GPR39: variants seen among roughly 807,000 people sequenced by gnomAD.
GPR39 encodes zinc sensing receptor.
A neutral mutation model predicts 18.4 loss-of-function variants in GPR39; 23 were observed. The ratio of observed to expected loss-of-function variants is 1.25; its 90% CI spans 0.90 to 1.77. The LOEUF (loss-of-function observed/expected upper bound fraction) is 1.77, where lower values mean the gene tolerates loss of function less well. Ranked by LOEUF, GPR39 falls within the 40% of genes most tolerant of loss-of-function variation. The pLI, the probability that GPR39 is intolerant of heterozygous loss-of-function variation, is 0.00. For synonymous variants in GPR39, 280 were observed against 257.9 expected, an observed-to-expected ratio of 1.09 and a Z score of -0.82; for missense variants, 647 against 602.4, an observed-to-expected ratio of 1.07 and a Z score of -0.78.
At chr2:132,641,726 T>C (rs543434657) in intron 1 of GPR39, among the ~76,000 whole-genome samples, 2 of 152,242 alleles carry the variant, frequency 1.3e-5, no homozygotes, top group Non-Finnish European at 2.9e-5. Flanking sequence ...CTTTTTCTCT[T>C]TGAATGTGGC....
rs181548223 is a variant in GPR39 at position 132,492,841 on chromosome 2, T to C, written c.856+74943T>C. On this transcript the variant is annotated intron_variant, in intron 1 of 1. Transcript: ENST00000329321. ...CCATATATATACCATATACACACCA[T>C]ATATACACCATATATATACCATATA... is the stretch of plus-strand genomic sequence containing the variant. Among the ~76,000 whole-genome samples the C allele has an allele frequency of 6.9e-3, 968 of 140,582 alleles. 16 individuals are homozygous for C. The highest frequency in any genetic ancestry group is 0.024 in the African/African-American group (917 of 37,840). 92.2% of individuals were successfully genotyped at this position (140,582 alleles called of 152,430 possible). A position where few individuals can be genotyped will look rare whatever the true frequency, so the allele number is the denominator to read the frequency against.
chr2:132,560,591 C>A (rs58685339), intron 1 of GPR39, among the ~76,000 whole-genome samples: 11,171 of 152,268 alleles, frequency 0.073, 1,389 homozygotes, highest in African/African-American at 0.25. Flanking sequence ...GAATTTCAGG[C>A]CCAGTCCAGC....
rs113589449 is a variant in GPR39 at position 132,541,747 on chromosome 2, A to G, written c.857-103354A>G. ...AGAGGCAGTTGGACAAGCCTTATGCATCCTGGGCTTTGGTGACATCAGCAA... is the reference window on the plus strand; with the variant it reads ...AGAGGCAGTTGGACAAGCCTTATGCGTCCTGGGCTTTGGTGACATCAGCAA... On this transcript the variant is annotated intron_variant, in intron 1 of 1. Coordinates refer to ENST00000329321, the MANE Select transcript of GPR39 (RefSeq NM_001508.3). Among the ~76,000 whole-genome samples the G allele has an allele frequency of 5.9e-5, 9 of 152,320 alleles. 1 individual carries two copies. Among genetic ancestry groups the G allele is most frequent in the African/African-American group, 2.2e-4 (9 of 41,582 alleles).
chr2:132,502,512 G>A (rs928124791), intron 1 of GPR39, among the ~76,000 whole-genome samples: 5 of 152,102 alleles, frequency 3.3e-5, no homozygotes, highest in Admixed American at 3.3e-4. Context: ...TCTTTTTCTT[G>A]TCTTGACTTT....
chr2:132,593,389 T>A (rs1379645321), intron 1 of GPR39, among the ~76,000 whole-genome samples: 1 of 152,164 alleles, frequency 6.6e-6, no homozygotes, highest in African/African-American at 2.4e-5. Flanking sequence ...TCTTGAGCTA[T>A]CTCATTAGCA....
At chr2:132,456,815 C>A (rs1291736609) in intron 1 of GPR39, among the ~76,000 whole-genome samples, 1 of 152,208 alleles carries the variant, frequency 6.6e-6, no homozygotes, top group East Asian at 1.9e-4. Flanking sequence ...CTCCTACTCT[C>A]TTCTGGCTTG....
intron 1 of GPR39, among the ~76,000 whole-genome samples, chr2:132,499,049 C>T (rs866246412): frequency 1.3e-5 from 2 of 152,226 alleles, no homozygotes; most frequent in Middle Eastern, 3.4e-3. Flanking sequence ...CTGAGCAGAA[C>T]TTTTTAGTTT....
intron 1 of GPR39, among the ~76,000 whole-genome samples, chr2:132,511,539 T>C (rs1005235546): frequency 6.6e-6 from 1 of 152,090 alleles, no homozygotes; most frequent in African/African-American, 2.4e-5. Context: ...TTAGTGTGAG[T>C]AGGGTTCACA....
intron 1 of GPR39, among the ~76,000 whole-genome samples, chr2:132,639,265 GGGATAA>G (rs1231382747): frequency 2.0e-5 from 3 of 151,970 alleles, no homozygotes; most frequent in Non-Finnish European, 4.4e-5. Flanking sequence ...GGATAAAAGG[GGGATAA>G]GGGCTGGGGG....
At chr2:132,418,044 A>G in intron 1 of GPR39, 146 bp downstream of exon 1, 1 of 973,570 alleles carries the variant, frequency 1.0e-6, no homozygotes, top group Non-Finnish European at 1.5e-6. Context: ...TTGTAGCAGT[A>G]TGAGGGCATT....
At chr2:132,553,510 T>A (rs1180231965) in intron 1 of GPR39, among the ~76,000 whole-genome samples, 4 of 152,018 alleles carry the variant, frequency 2.6e-5, no homozygotes, top group Non-Finnish European at 5.9e-5. Flanking sequence ...TCAAGTGCTA[T>A]GTAAAGCAGG....
chr2:132,465,466 CTG>C (rs1680911766), intron 1 of GPR39, among the ~76,000 whole-genome samples: 1 of 152,206 alleles, frequency 6.6e-6, no homozygotes, highest in Non-Finnish European at 1.5e-5. Flanking sequence ...ATGAAACTGT[CTG>C]TGAGTGCATT....
intron 1 of GPR39, among the ~76,000 whole-genome samples, chr2:132,436,345 A>T (rs1188337037): frequency 1.3e-5 from 2 of 152,202 alleles, no homozygotes; most frequent in Non-Finnish European, 2.9e-5. Flanking sequence ...TGCCCCAGGG[A>T]GGGAAAAATG....
intron 1 of GPR39, among the ~76,000 whole-genome samples, chr2:132,594,155 G>A (rs16837647): frequency 0.036 from 5,409 of 152,166 alleles, 292 homozygotes; most frequent in African/African-American, 0.12. Context: ...TGGGGGACCC[G>A]TCATACCCAC....
At chr2:132,471,641 C>A (rs1222521785) in intron 1 of GPR39, among the ~76,000 whole-genome samples, 2 of 151,028 alleles carry the variant, frequency 1.3e-5, no homozygotes, top group Non-Finnish European at 2.9e-5. Flanking sequence ...TAGGGCCCAG[C>A]CCAGCAAGGA....
At chr2:132,516,801 C>T (rs142721958) in intron 1 of GPR39, among the ~76,000 whole-genome samples, 55 of 152,050 alleles carry the variant, frequency 3.6e-4, no homozygotes, top group Non-Finnish European at 6.0e-4. Flanking sequence ...GCACCTAGCA[C>T]AGGTGGGCAT....
intron 1 of GPR39, among the ~76,000 whole-genome samples, chr2:132,616,374 G>A (rs1002897499): frequency 2.0e-5 from 3 of 152,126 alleles, no homozygotes; most frequent in Non-Finnish European, 2.9e-5. Flanking sequence ...ATACCTAATA[G>A]GACACCTGTC....
chr2:132,465,715 A>G lies in GPR39; in HGVS notation c.856+47817A>G, dbSNP rs116352243. 3.2e-3 allele frequency among the ~76,000 whole-genome samples: 492 copies of G among 152,306 alleles called. 5 individuals carry two copies. The highest frequency in any genetic ancestry group is 0.011 in the African/African-American group (475 of 41,578). On this transcript the variant is annotated intron_variant, in intron 1 of 1. Coordinates refer to ENST00000329321, the MANE Select transcript of GPR39 (RefSeq NM_001508.3). Reference sequence around the variant, plus strand: ...AAGAGGGTTGCATAAAACAAAAAGTATAGGATTTAGAATTTAACAGAGGTG... The same window carrying G: ...AAGAGGGTTGCATAAAACAAAAAGTGTAGGATTTAGAATTTAACAGAGGTG...
At chr2:132,582,670 C>T (rs571112667) in intron 1 of GPR39, among the ~76,000 whole-genome samples, 29 of 152,296 alleles carry the variant, frequency 1.9e-4, no homozygotes, top group East Asian at 1.4e-3. Context: ...AGTCACCTGG[C>T]TGGGATGCCC....
Sources: allele counts gnomAD v4.1 joint callset (sites outside exome capture counted in the v4.1 genomes callset), GRCh38; gene constraint gnomAD v4.1.1; transcripts MANE v1.5; gene names NCBI Gene and HGNC (gene_info 2026-07-23, HGNC 2026-07-21).